Variants in CDH10 observed in about 807,000 individuals in gnomAD.
CDH10 encodes cadherin 10, also known as cadherin-10.
CDH10 carries 30 observed loss-of-function variants against 73.1 expected under a neutral mutation model. The observed-to-expected ratio is 0.41, with a 90% CI of 0.31 to 0.56. The LOEUF is 0.56. Among genes scored for constraint, CDH10 ranks in the 20% least tolerant of loss-of-function variants. CDH10 has a pLI of 0.27. For missense variants in CDH10, 815 were observed against 973.7 expected (o/e 0.84, Z 2.17); for synonymous variants, 345 against 348.2 (o/e 0.99, Z 0.10).
At chr5:24,610,598 G>A (rs1172673963) in intron 1 of CDH10, among the ~76,000 whole-genome samples, 1 of 152,062 alleles carries the variant, frequency 6.6e-6, no homozygotes, top group Admixed American at 6.6e-5. Context: ...TGTGAATATA[G>A]AGATTATATA....
intron 2 of CDH10, among the ~76,000 whole-genome samples, chr5:24,554,446 C>T (rs1744684552): frequency 6.6e-6 from 1 of 150,782 alleles, no homozygotes; most frequent in Non-Finnish European, 1.5e-5. Context: ...TATTCTCTAA[C>T]TTTTCAAGTT....
chr5:24,492,746 G>A (rs953635475), intron 10 of CDH10, 71 bp downstream of exon 10: 10 of 740,558 alleles, frequency 1.4e-5, no homozygotes, highest in Non-Finnish European at 2.2e-5. Context: ...CATATATATT[G>A]CAATGGTTAC....
chr5:24,517,327 T>C (rs982439551), intron 5 of CDH10, among the ~76,000 whole-genome samples: 1 of 152,188 alleles, frequency 6.6e-6, no homozygotes, highest in Non-Finnish European at 1.5e-5. Context: ...CACTGGTCAG[T>C]AATACCACTG....
chr5:24,584,825 T>C (rs980301786), intron 2 of CDH10, among the ~76,000 whole-genome samples: 6 of 151,482 alleles, frequency 4.0e-5, no homozygotes, highest in African/African-American at 1.5e-4. Flanking sequence ...GGTTGTCTAG[T>C]TGTTCATCAT....
chr5:24,609,560 A>T (rs1746875716), intron 1 of CDH10, among the ~76,000 whole-genome samples: 1 of 152,192 alleles, frequency 6.6e-6, no homozygotes, highest in African/African-American at 2.4e-5. Flanking sequence ...TGTTAAGACA[A>T]CCACACTGCA....
chr5:24,517,732 T>C (rs184606746), intron 5 of CDH10, among the ~76,000 whole-genome samples: 118 of 152,254 alleles, frequency 7.8e-4, no homozygotes, highest in African/African-American at 2.7e-3. Context: ...CCTAGAGAAG[T>C]AAGTGAAAAG....
intron 7 of CDH10, among the ~76,000 whole-genome samples, chr5:24,507,713 T>A (rs1405039380): frequency 6.6e-6 from 1 of 151,970 alleles, no homozygotes; most frequent in Non-Finnish European, 1.5e-5. Flanking sequence ...TGGTAAATAT[T>A]TAATGAAGAA....
At chr5:24,627,059 G>T (rs1373727664) in intron 1 of CDH10, among the ~76,000 whole-genome samples, 1 of 151,650 alleles carries the variant, frequency 6.6e-6, no homozygotes, top group Non-Finnish European at 1.5e-5. Flanking sequence ...CCATTTTCCT[G>T]TATATAATTA....
intron 1 of CDH10, among the ~76,000 whole-genome samples, chr5:24,632,908 T>A (rs1747751059): frequency 6.6e-6 from 1 of 151,764 alleles, no homozygotes. Context: ...ATGATGATGA[T>A]AATGATGATG....
At chr5:24,556,849 T>C (rs1744785211) in intron 2 of CDH10, among the ~76,000 whole-genome samples, 1 of 151,906 alleles carries the variant, frequency 6.6e-6, no homozygotes, top group Admixed American at 6.6e-5. Flanking sequence ...TTCTTCATAA[T>C]TCTGTGATAT....
intron 1 of CDH10, among the ~76,000 whole-genome samples, chr5:24,631,409 A>T (rs2112196748): frequency 6.6e-6 from 1 of 152,166 alleles, no homozygotes; most frequent in African/African-American, 2.4e-5. Flanking sequence ...ATATCACTGA[A>T]TGGATAATTG....
chr5:24,579,030 G>A (rs1283698391), intron 2 of CDH10, among the ~76,000 whole-genome samples: 1 of 151,876 alleles, frequency 6.6e-6, no homozygotes, highest in Non-Finnish European at 1.5e-5. Flanking sequence ...TGGTTCAAAT[G>A]AGAAATATTA....
At chr5:24,602,639 A>G (rs926958644) in intron 1 of CDH10, among the ~76,000 whole-genome samples, 6 of 152,148 alleles carry the variant, frequency 3.9e-5, no homozygotes, top group African/African-American at 9.7e-5. Flanking sequence ...GTATATGTGT[A>G]TATGTGTATG....
chr5:24,500,015 C>T lies in CDH10; in HGVS notation c.1394-1496G>A, dbSNP rs142490982. Among the ~76,000 whole-genome samples, 432 of 152,222 alleles carry T rather than the reference C, an allele frequency of 2.8e-3. 2 individuals carry two copies. Among genetic ancestry groups the T allele is most frequent in the Non-Finnish European group, 4.0e-3 (273 of 67,982 alleles). On this transcript the variant is annotated intron_variant, in intron 8 of 11. Coordinates refer to ENST00000264463, the MANE Select transcript of CDH10 (RefSeq NM_006727.5). ...AGCTGAAAACAAAACAAAACAATAG[C>T]AGAATAGCTAGGGGACAGCAGCAAC...
rs200048056 is a variant in CDH10 at position 24,537,330 on chromosome 5, T to C, written c.526+50A>G. ...TTATACTATTATAAGAATTTCTTGA[T>C]TTTTAAAACACTTTTTGAATACCAT... On this transcript the variant is annotated intron_variant, in intron 3 of 11. Coordinates refer to ENST00000264463, the MANE Select transcript of CDH10 (RefSeq NM_006727.5). 36 of 1,308,368 alleles carry C rather than the reference T, an allele frequency of 2.8e-5. No individual in the cohort carries two copies. In the African/African-American group the frequency reaches 5.0e-4, roughly 18 times the overall value. The allele number at this position is 1,308,368 out of a possible 1,614,324, so 81.0% of individuals were successfully genotyped here.
chr5:24,619,257 A>G (rs888535085), intron 1 of CDH10, among the ~76,000 whole-genome samples: 2 of 151,912 alleles, frequency 1.3e-5, no homozygotes, highest in African/African-American at 4.8e-5. Context: ...GCAGTGGCGC[A>G]ATCTCGGCTC....
In CDH10 at chr5:24,507,118, C is replaced by A. The variant is rs76826586; in HGVS notation, c.1257-1870G>T. 5.2e-3 allele frequency among the ~76,000 whole-genome samples: 788 copies of A among 152,168 alleles called. 11 individuals are homozygous for A. The highest frequency in any genetic ancestry group is 0.018 in the African/African-American group (762 of 41,566). On this transcript the variant is annotated intron_variant, in intron 7 of 11. Transcript: ENST00000264463. ...CCTTTGATTACTGTATTAACATTCA[C>A]AAGATATGACACAATTTATAGCATG...
chr5:24,516,249 T>A (rs1156369400), intron 5 of CDH10, among the ~76,000 whole-genome samples: 1 of 148,114 alleles, frequency 6.8e-6, no homozygotes, highest in African/African-American at 2.5e-5. Flanking sequence ...GAGTATCCGA[T>A]GTCAATATGT....
intron 2 of CDH10, among the ~76,000 whole-genome samples, chr5:24,543,813 T>G (rs1744239528): frequency 6.6e-6 from 1 of 152,084 alleles, no homozygotes; most frequent in African/African-American, 2.4e-5. Flanking sequence ...TTATTCATGT[T>G]GTTGGGGCTG....
Sources: gnomAD v4.1 joint callset for allele counts (sites outside exome capture counted in the v4.1 genomes callset) on GRCh38, gnomAD v4.1.1 for gene constraint, MANE v1.5 for transcripts, NCBI Gene and HGNC (gene_info 2026-07-23, HGNC 2026-07-21) for gene names.